Variants in HDAC9 observed in about 807,000 individuals in gnomAD.
The protein encoded by HDAC9 is histone deacetylase 9.
Under a neutral mutation model 139.4 loss-of-function variants are expected in HDAC9, and 41 were observed. The ratio of observed to expected loss-of-function variants is 0.29; its 90% CI spans 0.23 to 0.38. The LOEUF (loss-of-function observed/expected upper bound fraction) is 0.38. Ranked by LOEUF, HDAC9 falls within the 10% of genes least tolerant of loss-of-function variation. The pLI is 1.00. For missense variants in HDAC9, 1,147 were observed against 1,297.0 expected (o/e 0.88, Z 1.78); for synonymous variants, 517 against 476.2 (o/e 1.09, Z -1.12).
intron 1 of HDAC9, among the ~76,000 whole-genome samples, chr7:18,123,317 C>A (rs1027898638): frequency 6.6e-6 from 1 of 152,070 alleles, no homozygotes; most frequent in African/African-American, 2.4e-5. Flanking sequence ...AGTTTCATGC[C>A]TAAGTATTTT....
chr7:18,344,156 T>A (rs1254373467), intron 1 of HDAC9, among the ~76,000 whole-genome samples: 1 of 151,902 alleles, frequency 6.6e-6, no homozygotes, highest in African/African-American at 2.4e-5. Context: ...GTATTTCAGA[T>A]TATAAGTAAA....
intron 21 of HDAC9, among the ~76,000 whole-genome samples, chr7:18,866,415 C>G (rs1798501243): frequency 1.3e-5 from 2 of 152,110 alleles, no homozygotes; most frequent in Non-Finnish European, 2.9e-5. Flanking sequence ...AACTGATGTC[C>G]TAACTCACTT....
chr7:18,732,700 T>TATGTGTGCGTATGTGTACACACAC lies in HDAC9; in HGVS notation c.1909+4943_1909+4944insATGTGTGCGTATGTGTACACACAC, dbSNP rs1562892154. Among the ~76,000 whole-genome samples, 9 of 131,552 alleles carry TATGTGTGCGTATGTGTACACACAC rather than the reference T, an allele frequency of 6.8e-5. 1 individual carries two copies. Among genetic ancestry groups the TATGTGTGCGTATGTGTACACACAC allele is most frequent in the African/African-American group, 1.6e-4 (5 of 31,158 alleles). 86.3% of individuals were successfully genotyped at this position (131,552 alleles called of 152,430 possible). A position where few individuals can be genotyped will look rare whatever the true frequency, so the allele number is the denominator to read the frequency against. ...GTGCGTATGTGTACACACACACACGTGTATGTGTGCGTATGTGTACACACA... is the reference window on the plus strand; with the variant it reads ...GTGCGTATGTGTACACACACACACGTATGTGTGCGTATGTGTACACACACGTATGTGTGCGTATGTGTACACACA... On this transcript the variant is annotated intron_variant, in intron 13 of 25. Coordinates refer to ENST00000686413, the MANE Select transcript of HDAC9 (RefSeq NM_178425.4).
chr7:18,256,059 C>A (rs1435232519), intron 2 of HDAC9, among the ~76,000 whole-genome samples: 2 of 128,310 alleles, frequency 1.6e-5, no homozygotes, highest in African/African-American at 5.0e-5. Flanking sequence ...GACATCTCAG[C>A]ATATCTAGGA....
At chr7:18,686,413 C>G (rs950638845) in intron 12 of HDAC9, among the ~76,000 whole-genome samples, 1 of 151,874 alleles carries the variant, frequency 6.6e-6, no homozygotes, top group Non-Finnish European at 1.5e-5. Flanking sequence ...TTCCTTCATA[C>G]TAAACACATG....
At chr7:18,746,948 T>G (rs928384925) in intron 13 of HDAC9, among the ~76,000 whole-genome samples, 4 of 152,104 alleles carry the variant, frequency 2.6e-5, no homozygotes, top group Non-Finnish European at 5.9e-5. Context: ...AGGGTATGCT[T>G]GGTAGAGGAG....
chr7:18,162,248 C>A (rs1787678632), exon 2 of HDAC9: 1 of 1,359,608 alleles, frequency 7.4e-7, no homozygotes, highest in Non-Finnish European at 1.0e-6. Context: ...CTGCCAACCC[C>A]TCCTGGACCA....
chr7:18,527,800 A>G (rs1361665142), intron 2 of HDAC9, among the ~76,000 whole-genome samples: 2 of 152,064 alleles, frequency 1.3e-5, no homozygotes, highest in African/African-American at 2.4e-5. Flanking sequence ...GTTTATCTAT[A>G]ACAACTTCTA....
chr7:18,280,774 A>AC (rs5882654), intron 2 of HDAC9, among the ~76,000 whole-genome samples: 1 of 150,536 alleles, frequency 6.6e-6, no homozygotes. Context: ...AAAAAAATAA[A>AC]TAAATAAATA....
At chr7:18,408,445 G>A (rs1788225822) in intron 1 of HDAC9, among the ~76,000 whole-genome samples, 2 of 152,126 alleles carry the variant, frequency 1.3e-5, no homozygotes, top group Non-Finnish European at 2.9e-5. Flanking sequence ...CTAGCTTTCT[G>A]ACATAAATCT....
chr7:18,640,362 A>T (rs1169056998), intron 8 of HDAC9, among the ~76,000 whole-genome samples: 1 of 147,096 alleles, frequency 6.8e-6, no homozygotes, highest in African/African-American at 2.5e-5. Flanking sequence ...TGTCTTAAAA[A>T]AAAAAAAAAA....
chr7:18,295,536 T>TA (rs1324574740), intron 1 of HDAC9, among the ~76,000 whole-genome samples: 1 of 152,182 alleles, frequency 6.6e-6, no homozygotes, highest in Non-Finnish European at 1.5e-5. Context: ...CAAGTGGCAG[T>TA]ATATTTAGAA....
At chr7:18,846,229 C>G (rs553235817) in intron 21 of HDAC9, among the ~76,000 whole-genome samples, 1 of 152,176 alleles carries the variant, frequency 6.6e-6, no homozygotes, top group Non-Finnish European at 1.5e-5. Context: ...TATCACTCAC[C>G]GACTCCTCAG....
At chr7:18,982,570 C>T (rs75575749) in intron 25 of HDAC9, among the ~76,000 whole-genome samples, 5,875 of 152,178 alleles carry the variant, frequency 0.039, 174 homozygotes, top group Middle Eastern at 0.092. Flanking sequence ...CATATAAACA[C>T]CACCCAGAAC....
chr7:18,642,297 C>T (rs1214173688), intron 8 of HDAC9, among the ~76,000 whole-genome samples: 3 of 152,042 alleles, frequency 2.0e-5, no homozygotes, highest in African/African-American at 7.2e-5. Flanking sequence ...CTCCTTTATT[C>T]CTGCCATGAG....
intron 22 of HDAC9, among the ~76,000 whole-genome samples, chr7:18,909,555 G>A (rs1802561580): frequency 6.6e-6 from 1 of 152,096 alleles, no homozygotes; most frequent in African/African-American, 2.4e-5. Flanking sequence ...TCCATTTTAA[G>A]TTGAATTTTG....
In HDAC9 at chr7:18,264,354, T is replaced by TA. The variant is rs913382690; in HGVS notation, c.25+102013dup. On this transcript the variant is annotated intron_variant, in intron 2 of 12. Coordinates refer to the HDAC9 transcript ENST00000417496. ...ACTACAATGGAATGAAATTAGAAAT[T>TA]AAAAAAAATAAGAATTTAGTAAATT... Among the ~76,000 whole-genome samples the TA allele has an allele frequency of 5.3e-5, 8 of 151,664 alleles. No individual in the cohort carries two copies. The South Asian group carries it at 6.2e-4, about 12-fold the overall frequency.
chr7:18,765,742 G>C (rs1789778443), intron 15 of HDAC9, among the ~76,000 whole-genome samples: 1 of 151,980 alleles, frequency 6.6e-6, no homozygotes, highest in African/African-American at 2.4e-5. Flanking sequence ...AAATATTCAA[G>C]GATACAGTTA....
intron 1 of HDAC9, among the ~76,000 whole-genome samples, chr7:18,474,017 A>G (rs1048698819): frequency 1.3e-5 from 2 of 152,158 alleles, no homozygotes; most frequent in African/African-American, 4.8e-5. Flanking sequence ...CTTCTTATCT[A>G]TGTTCTTGGA....
Sources: allele counts gnomAD v4.1 joint callset (sites outside exome capture counted in the v4.1 genomes callset), GRCh38; gene constraint gnomAD v4.1.1; transcripts MANE v1.5; gene names NCBI Gene and HGNC (gene_info 2026-07-23, HGNC 2026-07-21).